PTPN13: variants seen among roughly 807,000 people sequenced by gnomAD.
The protein encoded by PTPN13 is tyrosine-protein phosphatase non-receptor type 13.
A neutral mutation model predicts 284.0 loss-of-function variants in PTPN13; 191 were observed. The observed-to-expected ratio is 0.67, with a 90% CI of 0.60 to 0.76. PTPN13 has a LOEUF of 0.76. Ranked by LOEUF, PTPN13 falls within the 30% of genes least tolerant of loss-of-function variation. The probability of loss-of-function intolerance (pLI) is 0.00; values close to 1 mark genes in which losing one functional copy is unlikely to be tolerated. For missense variants in PTPN13, 2,797 were observed against 2,939.9 expected, an observed-to-expected ratio of 0.95 and a Z score of 1.12; for synonymous variants, 986 against 1,022.3, an observed-to-expected ratio of 0.96 and a Z score of 0.68.
intron 44 of PTPN13, among the ~76,000 whole-genome samples, chr4:86,805,862 A>T (rs1240555187): frequency 6.6e-6 from 1 of 152,184 alleles, no homozygotes; most frequent in African/African-American, 2.4e-5. Context: ...AGGGAACAAA[A>T]GCAATCATTT....
chr4:86,734,939 T>C, intron 14 of PTPN13, 64 bp downstream of exon 14: 1 of 1,512,084 alleles, frequency 6.6e-7, no homozygotes, highest in Non-Finnish European at 9.0e-7. Context: ...ACATAGTTAA[T>C]GACTAAACCT....
At chr4:86,755,708 T>C (rs984333868) in intron 20 of PTPN13, among the ~76,000 whole-genome samples, 5 of 152,088 alleles carry the variant, frequency 3.3e-5, no homozygotes, top group African/African-American at 9.6e-5. Context: ...TATTGTAAAA[T>C]AGGCTTTGTT....
At chr4:86,782,309 G>A in intron 37 of PTPN13, 47 bp downstream of exon 37, 1 of 1,470,650 alleles carries the variant, frequency 6.8e-7, no homozygotes, top group Non-Finnish European at 9.5e-7. Context: ...CTTATCTGAG[G>A]AACTGCATGT....
chr4:86,639,940 T>C (rs1228876322), intron 2 of PTPN13, among the ~76,000 whole-genome samples: 1 of 152,130 alleles, frequency 6.6e-6, no homozygotes, highest in Non-Finnish European at 1.5e-5. Context: ...TTGTGATGCA[T>C]GCTAAAGTTT....
intron 1 of PTPN13, among the ~76,000 whole-genome samples, chr4:86,628,019 C>A (rs1722032885): frequency 6.6e-6 from 1 of 152,018 alleles, no homozygotes; most frequent in Non-Finnish European, 1.5e-5. Flanking sequence ...CTGCTATGAA[C>A]ATTTGTGTAC....
chr4:86,597,043 C>T (rs189312660), intron 1 of PTPN13, among the ~76,000 whole-genome samples: 25 of 152,072 alleles, frequency 1.6e-4, no homozygotes, highest in South Asian at 6.2e-4. Context: ...CAACCAAGTA[C>T]GACTCATTTG....
chr4:86,686,399 C>G (rs1450811689), intron 3 of PTPN13, among the ~76,000 whole-genome samples: 1 of 151,912 alleles, frequency 6.6e-6, no homozygotes, highest in Non-Finnish European at 1.5e-5. Flanking sequence ...GGTTTCTGAC[C>G]TTTTATGAAA....
At chr4:86,797,875 G>C (rs979957432) in intron 41 of PTPN13, among the ~76,000 whole-genome samples, 1 of 151,420 alleles carries the variant, frequency 6.6e-6, no homozygotes, top group Non-Finnish European at 1.5e-5. Context: ...TGAGGGAAAG[G>C]GTTTTTATCT....
At chr4:86,744,711 G>A (rs915621356) in intron 16 of PTPN13, among the ~76,000 whole-genome samples, 3 of 152,154 alleles carry the variant, frequency 2.0e-5, no homozygotes, top group African/African-American at 7.2e-5. Flanking sequence ...AGGAGCAATA[G>A]GCTACATCAT....
Position 86,685,341 on chromosome 4 carries a change from G to T in PTPN13, c.295-1369G>T, listed in dbSNP as rs1729333719. On this transcript the variant is annotated intron_variant, in intron 3 of 47. Coordinates refer to ENST00000411767, the MANE Select transcript of PTPN13 (RefSeq NM_080683.3). Reference sequence around the variant, plus strand: ...AACTGCAGTGAGGCCAAGTGAGGTGGTTCTCGCCTATAATCCCAGCACACC... The same window carrying T: ...AACTGCAGTGAGGCCAAGTGAGGTGTTTCTCGCCTATAATCCCAGCACACC... Among the ~76,000 whole-genome samples the T allele has an allele frequency of 2.6e-5, 4 of 152,262 alleles. No individual in the cohort carries two copies. In the South Asian group the frequency reaches 8.3e-4, roughly 32 times the overall value.
intron 7 of PTPN13, among the ~76,000 whole-genome samples, chr4:86,712,314 T>C (rs1732503528): frequency 6.6e-6 from 1 of 151,330 alleles, no homozygotes; most frequent in African/African-American, 2.4e-5. Context: ...ACCACTTCTA[T>C]CTGGTTAGTG....
At chr4:86,612,792 A>G (rs1720057909) in intron 1 of PTPN13, among the ~76,000 whole-genome samples, 1 of 152,238 alleles carries the variant, frequency 6.6e-6, no homozygotes, top group Non-Finnish European at 1.5e-5. Flanking sequence ...TGTCAAAAAT[A>G]GTGCAAACAA....
chr4:86,758,486 T>A (rs1738271669), intron 21 of PTPN13, 137 bp downstream of exon 21: 1 of 922,806 alleles, frequency 1.1e-6, no homozygotes, highest in African/African-American at 1.7e-5. Context: ...TACAAGCCCA[T>A]CAACCTACCC....
chr4:86,735,614 T>G lies in PTPN13; in HGVS notation c.2172T>G (p.Phe724Leu), dbSNP rs191250421. The change falls in exon 15 of 48, where the codon TTT (phenylalanine) becomes TTG (leucine). Residue 724 changes from phenylalanine (F) to leucine (L), a missense_variant. By Grantham distance (22) the Phe-to-Leu change is conservative. Coordinates refer to ENST00000411767, the MANE Select transcript of PTPN13 (RefSeq NM_080683.3). ...YQPEVHGVSY[F>L]RMEHYLPARV... ...TCTAGGTTCATGGTGTGTCTTACTT[T>G]AGAATGGAGCACTATTTGCCCGCCA... The G allele has an allele frequency of 4.2e-5, 68 of 1,612,938 alleles. No individual in the cohort carries two copies. Among genetic ancestry groups the G allele is most frequent in the Non-Finnish European group, 5.3e-5 (62 of 1,179,534 alleles).
chr4:86,615,489 C>T (rs1323668897), intron 1 of PTPN13, among the ~76,000 whole-genome samples: 1 of 152,066 alleles, frequency 6.6e-6, no homozygotes, highest in Admixed American at 6.5e-5. Flanking sequence ...TTACTTGTAA[C>T]AAGCAGGAAG....
At chr4:86,737,543 C>T (rs1735662839) in intron 15 of PTPN13, among the ~76,000 whole-genome samples, 1 of 152,046 alleles carries the variant, frequency 6.6e-6, no homozygotes, top group Non-Finnish European at 1.5e-5. Context: ...TTTACCAACT[C>T]CTGATACAGC....
chr4:86,746,176 C>CT (rs1736741473), intron 17 of PTPN13, among the ~76,000 whole-genome samples: 1 of 152,110 alleles, frequency 6.6e-6, no homozygotes, highest in Non-Finnish European at 1.5e-5. Flanking sequence ...AGAAGAAACT[C>CT]ATCTGACTCT....
At chr4:86,723,946 T>C (rs1733950273) in intron 10 of PTPN13, among the ~76,000 whole-genome samples, 2 of 152,244 alleles carry the variant, frequency 1.3e-5, no homozygotes, top group South Asian at 4.1e-4. Flanking sequence ...AGCACATTTG[T>C]ATGCTCTGAA....
chr4:86,628,110 A>G (rs1295643030), intron 1 of PTPN13, among the ~76,000 whole-genome samples: 2 of 152,270 alleles, frequency 1.3e-5, no homozygotes, highest in East Asian at 3.9e-4. Flanking sequence ...TGTTAAGTGT[A>G]TATTTAACTT....
Sources: allele counts gnomAD v4.1 joint callset (sites outside exome capture counted in the v4.1 genomes callset), GRCh38; gene constraint gnomAD v4.1.1; transcripts MANE v1.5; gene names NCBI Gene and HGNC (gene_info 2026-07-23, HGNC 2026-07-21).